PKD1L1: variants seen among roughly 807,000 people sequenced by gnomAD.
PKD1L1 encodes polycystin-1-like protein 1.
A neutral mutation model predicts 323.4 loss-of-function variants in PKD1L1; 236 were observed. The observed-to-expected ratio is 0.73, with a 90% CI of 0.66 to 0.81. The LOEUF is 0.81. Among genes scored for constraint, PKD1L1 ranks in the 40% least tolerant of loss-of-function variants. The probability of loss-of-function intolerance (pLI) is 0.00; values close to 1 mark genes in which losing one functional copy is unlikely to be tolerated. For synonymous variants in PKD1L1, 1,344 were observed against 1,335.0 expected, an observed-to-expected ratio of 1.01 and a Z score of -0.15; for missense variants, 3,320 against 3,508.0, an observed-to-expected ratio of 0.95 and a Z score of 1.35.
rs1363613675 is a variant in PKD1L1 at position 47,904,367 on chromosome 7, C to T, written c.1931+11G>A. On this transcript the variant is annotated intron_variant, in intron 12 of 56. Transcript: ENST00000289672. ...CTGTAGAGAGCACTCCGCCGCCTTGCAGTGGCTCACCTACTGTAGACATGG... is the reference window on the plus strand; with the variant it reads ...CTGTAGAGAGCACTCCGCCGCCTTGTAGTGGCTCACCTACTGTAGACATGG... 1 of 1,613,938 alleles carries T rather than the reference C, an allele frequency of 6.2e-7. No individual in the cohort carries two copies. Among genetic ancestry groups the T allele is most frequent in the South Asian group, 1.1e-5 (1 of 91,068 alleles).
chr7:47,775,112 TCC>T lies in PKD1L1; in HGVS notation c.*29_*30del. ...GTTGGGTGGGTTAAGCAAAACAGGG[TCC>T]ATAGTGCCTATGCAAGGTACCAGGC... On this transcript the variant is annotated 3_prime_UTR_variant, in exon 57 of 57. Transcript: ENST00000289672. 6.2e-7 allele frequency: 1 copy of T among 1,611,370 alleles called. No individual in the cohort carries two copies. Among genetic ancestry groups the T allele is most frequent in the Non-Finnish European group, 8.5e-7 (1 of 1,178,862 alleles).
chr7:47,857,550 T>C (rs1785930849), intron 28 of PKD1L1, 55 bp downstream of exon 28: 3 of 1,485,066 alleles, frequency 2.0e-6, no homozygotes, highest in Non-Finnish European at 2.8e-6. Context: ...TTAAGCCCAA[T>C]TACTGCAAAT....
In PKD1L1 at chr7:47,884,229, T is replaced by C. The variant is rs963529995; in HGVS notation, c.3265+369A>G. On this transcript the variant is annotated intron_variant, in intron 19 of 56. Transcript: ENST00000289672. ...CTTACAAGACAAGCCTGAGGAAGAC[T>C]TCCCAGAGAGAAATGGAGCCAGACC... Among the ~76,000 whole-genome samples, 5 of 152,060 alleles carry C rather than the reference T, an allele frequency of 3.3e-5. No homozygotes were observed. The East Asian group carries it at 5.8e-4, about 18-fold the overall frequency.
chr7:47,952,931 A>G (rs114563792), upstream of PKD1L1, among the ~76,000 whole-genome samples: 1,152 of 152,298 alleles, frequency 7.6e-3, 21 homozygotes, highest in African/African-American at 0.026. Flanking sequence ...TCAAAATAAA[A>G]TTAAATATCA....
intron 30 of PKD1L1, among the ~76,000 whole-genome samples, chr7:47,853,781 A>C (rs1785836459): frequency 6.6e-6 from 1 of 151,764 alleles, no homozygotes; most frequent in Admixed American, 6.6e-5. Context: ...AAAAAAAAAA[A>C]AAACACCAAA....
intron 56 of PKD1L1, among the ~76,000 whole-genome samples, chr7:47,782,484 C>T (rs1436814918): frequency 6.6e-6 from 1 of 152,156 alleles, no homozygotes; most frequent in African/African-American, 2.4e-5. Flanking sequence ...TTCAGTAATA[C>T]TTAAATTGAT....
At chr7:47,818,384 A>C (rs3800568) in intron 46 of PKD1L1, among the ~76,000 whole-genome samples, 1 of 152,096 alleles carries the variant, frequency 6.6e-6, no homozygotes. Context: ...CAAACATTGT[A>C]CATTTATAGC....
At chr7:47,853,071 G>A (rs1342529963) in intron 31 of PKD1L1, 56 bp downstream of exon 31, 3 of 1,153,318 alleles carry the variant, frequency 2.6e-6, no homozygotes, top group Non-Finnish European at 3.9e-6. Flanking sequence ...AAAGGTTATA[G>A]GGGATGTTTT....
At chr7:47,791,477 T>C (rs920310880) in intron 56 of PKD1L1, among the ~76,000 whole-genome samples, 5 of 146,014 alleles carry the variant, frequency 3.4e-5, no homozygotes, top group African/African-American at 1.3e-4. Context: ...TTTTTTTTTT[T>C]CATTAACTTA....
chr7:47,960,397 G>GA, the PKD1L1 span, among the ~76,000 whole-genome samples: 3 of 58,376 alleles, frequency 5.1e-5, no homozygotes, highest in African/African-American at 1.1e-4. Context: ...AAAAAAAACT[G>GA]TAAAAAAGAA....
rs547943597 is a variant in PKD1L1, at chr7:47,873,646, T to C, written c.3896+253A>G. ...GCCTGGGTGACAGGCGGAGACTCTGTCTCAAAAAAAAAAAAAAAAAAAAAA... is the reference window on the plus strand; with the variant it reads ...GCCTGGGTGACAGGCGGAGACTCTGCCTCAAAAAAAAAAAAAAAAAAAAAA... On this transcript the variant is annotated intron_variant, in intron 24 of 56. Coordinates refer to ENST00000289672, the MANE Select transcript of PKD1L1 (RefSeq NM_138295.5). Among the ~76,000 whole-genome samples, 54 of 79,820 alleles carry C rather than the reference T, an allele frequency of 6.8e-4. 1 individual carries two copies. The highest frequency in any genetic ancestry group is 2.3e-3 in the African/African-American group (45 of 19,192). 52.4% of individuals were successfully genotyped at this position (79,820 alleles called of 152,430 possible).
At chr7:47,958,946 C>A in the PKD1L1 span, among the ~76,000 whole-genome samples, 1 of 152,130 alleles carries the variant, frequency 6.6e-6, no homozygotes, top group Non-Finnish European at 1.5e-5. Context: ...CTCAGCCTGC[C>A]GAGTGCCTGC....
At chr7:47,880,207 A>G (rs1382052911) in intron 21 of PKD1L1, among the ~76,000 whole-genome samples, 2 of 144,772 alleles carry the variant, frequency 1.4e-5, no homozygotes, top group African/African-American at 2.6e-5. Context: ...ACAGATTTGC[A>G]GGAAAGGAAT....
At chr7:47,928,860 A>T (rs187521296) in intron 7 of PKD1L1, among the ~76,000 whole-genome samples, 9 of 152,302 alleles carry the variant, frequency 5.9e-5, no homozygotes, top group Non-Finnish European at 1.2e-4. Context: ...GTAATTTTTC[A>T]ATAGTTATTA....
intron 56 of PKD1L1, among the ~76,000 whole-genome samples, chr7:47,786,994 G>A (rs894238386): frequency 1.3e-5 from 2 of 152,170 alleles, no homozygotes; most frequent in Non-Finnish European, 2.9e-5. Flanking sequence ...ATTTGTAGGT[G>A]GTTATTGATA....
chr7:47,834,926 A>C, intron 39 of PKD1L1, 41 bp downstream of exon 39: 1 of 1,565,544 alleles, frequency 6.4e-7, no homozygotes. Context: ...CAAAAGGCTC[A>C]GCCCCACGGA....
At chr7:47,929,766 A>G (rs1787729646) in intron 6 of PKD1L1, among the ~76,000 whole-genome samples, 1 of 152,208 alleles carries the variant, frequency 6.6e-6, no homozygotes, top group Non-Finnish European at 1.5e-5. Context: ...TGGGTCAGAA[A>G]CTGGGGTGGG....
chr7:47,927,962 C>T (rs1787686587), intron 7 of PKD1L1, among the ~76,000 whole-genome samples: 1 of 152,132 alleles, frequency 6.6e-6, no homozygotes, highest in Non-Finnish European at 1.5e-5. Flanking sequence ...AGATTTGGTC[C>T]ATTAAATTAA....
chr7:47,790,627 G>A (rs936177406), intron 56 of PKD1L1, among the ~76,000 whole-genome samples: 1 of 152,078 alleles, frequency 6.6e-6, no homozygotes, highest in African/African-American at 2.4e-5. Flanking sequence ...CACCGCACCG[G>A]GCCATAACTT....
Sources: gnomAD v4.1 joint callset for allele counts (sites outside exome capture counted in the v4.1 genomes callset) on GRCh38, gnomAD v4.1.1 for gene constraint, MANE v1.5 for transcripts, NCBI Gene and HGNC (gene_info 2026-07-23, HGNC 2026-07-21) for gene names.